The following KCTD8 variants were observed in gnomAD, a reference collection of about 807,000 sequenced individuals.
The protein encoded by KCTD8 is potassium channel tetramerization domain containing 8.
Under a neutral mutation model 31.5 loss-of-function variants are expected in KCTD8, and 27 were observed. That is an observed-to-expected ratio of 0.86 (90% CI 0.63 to 1.18). KCTD8 has a LOEUF of 1.18. KCTD8 is among the 50% of genes most tolerant of loss of function. The probability of loss-of-function intolerance (pLI) is 0.00; values close to 1 mark genes in which losing one functional copy is unlikely to be tolerated. For missense variants in KCTD8, 658 were observed against 647.7 expected, an observed-to-expected ratio of 1.02 and a Z score of -0.17; for synonymous variants, 290 against 280.0, an observed-to-expected ratio of 1.04 and a Z score of -0.36.
At chr4:44,434,274 T>C (rs1027109582) in intron 1 of KCTD8, among the ~76,000 whole-genome samples, 3 of 151,888 alleles carry the variant, frequency 2.0e-5, no homozygotes, top group African/African-American at 7.2e-5. Flanking sequence ...TGTCTATAAA[T>C]AACAAGTAAA....
At chr4:44,315,641 T>C (rs1413680717) in intron 1 of KCTD8, among the ~76,000 whole-genome samples, 1 of 152,064 alleles carries the variant, frequency 6.6e-6, no homozygotes, top group East Asian at 1.9e-4. Context: ...TTTCACAGAG[T>C]AAATATACAT....
intron 1 of KCTD8, among the ~76,000 whole-genome samples, chr4:44,214,303 T>C (rs1014023955): frequency 1.3e-5 from 2 of 152,158 alleles, no homozygotes; most frequent in African/African-American, 4.8e-5. Context: ...AAAATATTTG[T>C]TTCTCCCCTA....
intron 1 of KCTD8, among the ~76,000 whole-genome samples, chr4:44,444,721 G>C (rs910834442): frequency 2.7e-5 from 4 of 150,548 alleles, no homozygotes; most frequent in African/African-American, 9.8e-5. Context: ...GAAAATAACA[G>C]TATCTGGGAT....
chr4:44,246,412 ACT>A (rs1715668334), intron 1 of KCTD8, among the ~76,000 whole-genome samples: 1 of 151,940 alleles, frequency 6.6e-6, no homozygotes, highest in African/African-American at 2.4e-5. Context: ...TTTTTAACCC[ACT>A]GTTTTCCATC....
chr4:44,331,152 T>C (rs1444099826), intron 1 of KCTD8, among the ~76,000 whole-genome samples: 1 of 151,872 alleles, frequency 6.6e-6, no homozygotes, highest in African/African-American at 2.4e-5. Flanking sequence ...AAATAAAATA[T>C]GAAAAAATAC....
rs73247558 is a variant in KCTD8 at position 44,423,226 on chromosome 4, T to C, written c.961+24337A>G. On this transcript the variant is annotated intron_variant, in intron 1 of 1. Transcript: ENST00000360029. ...AGAATTACTGAGCCCAAAATCTCAATAGTACCTTGGTTGAGAAAGCCTGAC... is the reference window on the plus strand; with the variant it reads ...AGAATTACTGAGCCCAAAATCTCAACAGTACCTTGGTTGAGAAAGCCTGAC... 7.5e-3 allele frequency among the ~76,000 whole-genome samples: 1,140 copies of C among 152,206 alleles called. 5 individuals carry two copies. The highest frequency in any genetic ancestry group is 0.017 in the Middle Eastern group (5 of 294).
Position 44,328,249 on chromosome 4 carries a change from T to A in KCTD8, c.961+119314A>T, listed in dbSNP as rs563907398. Among the ~76,000 whole-genome samples, 13 of 152,080 alleles carry A rather than the reference T, an allele frequency of 8.5e-5. No individual in the cohort carries two copies. In the South Asian group the frequency reaches 2.5e-3, roughly 29 times the overall value. On this transcript the variant is annotated intron_variant, in intron 1 of 1. Coordinates refer to ENST00000360029, the MANE Select transcript of KCTD8 (RefSeq NM_198353.3). ...CAAAACAGGCTTTAATAAACTTGAA[T>A]GAAAAACAAACAGAAAGCAAACCAA... is the stretch of plus-strand genomic sequence containing the variant.
In KCTD8 at chr4:44,446,282, A is replaced by C. The variant is rs6813013; in HGVS notation, c.961+1281T>G. 2.0e-3 allele frequency among the ~76,000 whole-genome samples: 300 copies of C among 152,306 alleles called. 1 individual carries two copies. Among genetic ancestry groups the C allele is most frequent in the African/African-American group, 7.0e-3 (289 of 41,564 alleles). On this transcript the variant is annotated intron_variant, in intron 1 of 1. Coordinates refer to ENST00000360029, the MANE Select transcript of KCTD8 (RefSeq NM_198353.3). Reference sequence around the variant, plus strand: ...CCAGAAAATTGTTCAGTTCCCAATTACTGTAGTGACTAAATTACCAAAATA... The same window carrying C: ...CCAGAAAATTGTTCAGTTCCCAATTCCTGTAGTGACTAAATTACCAAAATA...
chr4:44,323,563 C>T (rs549070987), intron 1 of KCTD8, among the ~76,000 whole-genome samples: 2 of 134,836 alleles, frequency 1.5e-5, no homozygotes, highest in African/African-American at 2.8e-5. Context: ...GTTCAGGAAA[C>T]GTATGACAAG....
Position 44,323,506 on chromosome 4 carries a change from C to CG in KCTD8, c.961+124056_961+124057insC, listed in dbSNP as rs1472025171. Reference sequence around the variant, plus strand: ...TGAAACTCCATCCCCACCCACCCCCCCCCAAAAAAAATTAAAAATTAAAAA... The same window carrying CG: ...TGAAACTCCATCCCCACCCACCCCCCGCCCAAAAAAAATTAAAAATTAAAAA... On this transcript the variant is annotated intron_variant, in intron 1 of 1. Transcript: ENST00000360029. Among the ~76,000 whole-genome samples, 208 of 134,788 alleles carry CG rather than the reference C, an allele frequency of 1.5e-3. 4 individuals carry two copies. Among genetic ancestry groups the CG allele is most frequent in the African/African-American group, 5.3e-3 (195 of 36,724 alleles). The allele number at this position is 134,788 out of a possible 152,430, so 88.4% of individuals were successfully genotyped here.
At chr4:44,271,741 C>G (rs752923787) in intron 1 of KCTD8, among the ~76,000 whole-genome samples, 1 of 152,092 alleles carries the variant, frequency 6.6e-6, no homozygotes, top group Non-Finnish European at 1.5e-5. Flanking sequence ...CCCTTTGTTT[C>G]GGCCCATCCC....
chr4:44,447,771 C>G lies in KCTD8; in HGVS notation c.753G>C (p.Thr251=). The change falls in exon 1 of 2, where the codon ACG becomes ACC. Residue 251 remains threonine (T), a synonymous_variant. Transcript: ENST00000360029. ...IALAKEVFGD[T]LNESRDPDRQ... is the part of the protein sequence containing the mutation. ...GGTCGGGGTCGCGGCTCTCGTTGAG[C>G]GTGTCCCCGAAGACCTCCTTGGCCA... 6.2e-7 allele frequency: 1 copy of G among 1,611,046 alleles called. No individual in the cohort carries two copies. The highest frequency in any genetic ancestry group is 8.5e-7 in the Non-Finnish European group (1 of 1,178,636).
rs539311543 is a variant in KCTD8, at chr4:44,267,946, C to A, written c.962-92696G>T. On this transcript the variant is annotated intron_variant, in intron 1 of 1. Transcript: ENST00000360029. ...AGTCCAGGACCAGATGGATTCACAG[C>A]AGAATTCCACCAGAGGTACAAGGAG... 3.3e-5 allele frequency among the ~76,000 whole-genome samples: 5 copies of A among 152,264 alleles called. No individual in the cohort carries two copies. In the South Asian group the frequency reaches 1.0e-3, roughly 32 times the overall value.
chr4:44,422,515 G>A lies in KCTD8; in HGVS notation c.961+25048C>T, dbSNP rs775378923. Among the ~76,000 whole-genome samples the A allele has an allele frequency of 3.3e-5, 5 of 152,060 alleles. No homozygotes were observed. In the East Asian group the frequency reaches 9.6e-4, roughly 29 times the overall value. On this transcript the variant is annotated intron_variant, in intron 1 of 1. Transcript: ENST00000360029. ...AAAGGGAAAATGTATTACATCTGGA[G>A]TAGAGCTAATAATTTTATTAATATA...
chr4:44,340,939 AT>A (rs1718881441), intron 1 of KCTD8, among the ~76,000 whole-genome samples: 1 of 151,682 alleles, frequency 6.6e-6, no homozygotes, highest in Non-Finnish European at 1.5e-5. Flanking sequence ...TGTATTATAT[AT>A]ATAACATATA....
chr4:44,375,852 C>T (rs1719903799), intron 1 of KCTD8, among the ~76,000 whole-genome samples: 1 of 152,098 alleles, frequency 6.6e-6, no homozygotes, highest in Non-Finnish European at 1.5e-5. Context: ...CCAAATCCCT[C>T]GGAGATTATA....
chr4:44,188,279 T>G (rs540041584), intron 1 of KCTD8, among the ~76,000 whole-genome samples: 1 of 152,168 alleles, frequency 6.6e-6, no homozygotes, highest in Non-Finnish European at 1.5e-5. Context: ...AGAATCATCA[T>G]GATGAAGGAA....
intron 1 of KCTD8, among the ~76,000 whole-genome samples, chr4:44,434,945 A>G (rs1721606372): frequency 1.3e-5 from 2 of 151,818 alleles, no homozygotes; most frequent in Non-Finnish European, 2.9e-5. Flanking sequence ...AGGCATTATC[A>G]CTGTCCATAA....
At chr4:44,309,969 A>G (rs926885148) in intron 1 of KCTD8, among the ~76,000 whole-genome samples, 1 of 152,142 alleles carries the variant, frequency 6.6e-6, no homozygotes, top group Non-Finnish European at 1.5e-5. Flanking sequence ...CATAGGATCT[A>G]TATCATTTTC....
Sources: gnomAD v4.1 joint callset for allele counts (sites outside exome capture counted in the v4.1 genomes callset) on GRCh38, gnomAD v4.1.1 for gene constraint, MANE v1.5 for transcripts, NCBI Gene and HGNC (gene_info 2026-07-23, HGNC 2026-07-21) for gene names.